ABCA2: variants seen among roughly 807,000 people sequenced by gnomAD.
The protein encoded by ABCA2 is ATP-binding cassette sub-family A member 2.
ABCA2 carries 84 observed loss-of-function variants against 262.8 expected under a neutral mutation model. The ratio of observed to expected loss-of-function variants is 0.32; its 90% CI spans 0.27 to 0.38. The LOEUF (loss-of-function observed/expected upper bound fraction) is 0.38, where lower values mean the gene tolerates loss of function less well. Among genes scored for constraint, ABCA2 ranks in the 10% least tolerant of loss-of-function variants. The pLI, the probability that ABCA2 is intolerant of heterozygous loss-of-function variation, is 1.00. For synonymous variants in ABCA2, 1,696 were observed against 1,502.9 expected, an observed-to-expected ratio of 1.13 and a Z score of -2.97; for missense variants, 2,662 against 3,405.9, an observed-to-expected ratio of 0.78 and a Z score of 5.44.
Position 137,019,993 on chromosome 9 carries a change from C to G in ABCA2, c.1425+343G>C. The G allele has an allele frequency of 3.4e-6, 1 of 297,120 alleles. No homozygotes were observed. The highest frequency in any genetic ancestry group is 8.7e-5 in the East Asian group (1 of 11,490). 18.4% of individuals were successfully genotyped at this position (297,120 alleles called of 1,614,324 possible). A position where few individuals can be genotyped will look rare whatever the true frequency, so the allele number is the denominator to read the frequency against. ...GCCTCTGCTTGTTCCAGACAGGACCCCTCACCCAGAACCCAAACTGCCCAG... is the reference window on the plus strand; with the variant it reads ...GCCTCTGCTTGTTCCAGACAGGACCGCTCACCCAGAACCCAAACTGCCCAG... On this transcript the variant is annotated intron_variant, in intron 10 of 48. Transcript: ENST00000341511. The surrounding 1 kb of genome is among the most constrained non-coding windows in gnomAD (Gnocchi z 4.4).
chr9:137,025,578 C>T (rs571132717), intron 1 of ABCA2, among the ~76,000 whole-genome samples: 1 of 152,374 alleles, frequency 6.6e-6, no homozygotes, highest in African/African-American at 2.4e-5. Context: ...GTCCCATGCC[C>T]GCCCCAGCCC....
chr9:137,018,085 G>A lies in ABCA2; in HGVS notation c.1994-10C>T, dbSNP rs1831324228. ...GCGCGCTCCATCATGTCTGTGGGTG[G>A]GGGCAGCCATCAGGTGCCGGGCAGG... is the stretch of plus-strand genomic sequence containing the variant. On this transcript the variant is annotated splice_polypyrimidine_tract_variant and intron_variant, in intron 14 of 48. Transcript: ENST00000341511. 6.2e-7 allele frequency: 1 copy of A among 1,611,890 alleles called. No homozygotes were observed. The highest frequency in any genetic ancestry group is 8.5e-7 in the Non-Finnish European group (1 of 1,179,650).
In ABCA2 at chr9:137,018,644, AG is replaced by A. The variant is rs1481190710; in HGVS notation, c.1819+74del. On this transcript the variant is annotated intron_variant, in intron 13 of 48. Transcript: ENST00000341511. ...GCGCGGCCAAGGAGTGGGAGGGCAC[AG>A]GGGGACGGGTGGGGCTGGGCTGGGG... The A allele has an allele frequency of 9.7e-6, 9 of 930,732 alleles. No homozygotes were observed. In the South Asian group the frequency reaches 1.1e-4, roughly 12 times the overall value. 57.7% of individuals were successfully genotyped at this position (930,732 alleles called of 1,614,324 possible).
At chr9:137,023,658 C>T in intron 3 of ABCA2, 180 bp downstream of exon 3, 1 of 684,604 alleles carries the variant, frequency 1.5e-6, no homozygotes, top group East Asian at 2.7e-5. Context: ...GCCTTTCACT[C>T]CCTACCACCT....
At chr9:137,023,610 G>C in intron 3 of ABCA2, 3 of 720,340 alleles carry the variant, frequency 4.2e-6, no homozygotes, top group Non-Finnish European at 7.6e-6. Flanking sequence ...TGCCGCCTCA[G>C]CTTGACCCAG....
At chr9:137,023,780 C>T (rs1473997958) in intron 3 of ABCA2, 58 bp downstream of exon 3, 1 of 730,940 alleles carries the variant, frequency 1.4e-6, no homozygotes, top group Non-Finnish European at 2.5e-6. Flanking sequence ...CAGGACGGCC[C>T]ATGGGCCCCC....
In ABCA2 at chr9:137,021,551, C is replaced by A. The variant is rs1257332975; in HGVS notation, c.738G>T (p.Glu246Asp). The A allele has an allele frequency of 5.0e-6, 8 of 1,587,714 alleles. No homozygotes were observed. The highest frequency in any genetic ancestry group is 8.6e-7 in the Non-Finnish European group (1 of 1,168,066). ...EQLTCTPGSG[E>D]LGRILTVPES... ...CAGGCACAGTGAGGATCCGGCCCAG[C>A]TCCCCCGAGCCCGGCGTGCAGGTGA... The change falls in exon 8 of 49, where the codon GAG becomes GAT. Residue 246 changes from glutamate to aspartate, a missense_variant. Transcript: ENST00000341511. This position sits in a 1 kb window ranked among gnomAD's most constrained non-coding sequence, Gnocchi z 6.0.
In ABCA2 at chr9:137,020,788, C is replaced by T. The variant is rs1426772949; in HGVS notation, c.1171G>A (p.Ala391Thr). 1.3e-6 allele frequency: 2 copies of T among 1,590,442 alleles called. No individual in the cohort carries two copies. Among genetic ancestry groups the T allele is most frequent in the Non-Finnish European group, 8.5e-7 (1 of 1,170,234 alleles). ...AGCGTGTCCGGGGTGGCCAGTGCTG[C>T]AGCAGAGGGTGCGCCCTCCTCAGCG... is the stretch of plus-strand genomic sequence containing the variant. Reference protein sequence around the residue: ...ATAEEGAPSAAALATPDTLQG... With the variant: ...ATAEEGAPSATALATPDTLQG... Residue 391 changes from alanine to threonine, a missense_variant, in exon 9 of 49, where the codon GCA (alanine) becomes ACA (threonine). Physicochemically the swap from Ala to Thr is moderately conservative, Grantham distance 58 (BLOSUM62 0). Transcript: ENST00000341511.
Position 137,013,507 on chromosome 9 carries a change from G to C in ABCA2, c.4504C>G (p.Arg1502Gly). Residue 1502 changes from arginine to glycine, a missense_variant, in exon 29 of 49, where the codon CGT becomes GGT. Around this residue, in one of 12 missense-constraint regions of ABCA2, gnomAD observed 75 missense variants for 118.3 expected, o/e 0.63. Transcript: ENST00000341511. ...PSQYHNYTQPRGNFIPYANEE... is the reference protein window; with the variant it reads ...PSQYHNYTQPGGNFIPYANEE... ...TTGGCGTAGGGGATGAAATTGCCACGGGGCTGGGTGTAGTTGTGGTACTGG... is the reference window on the plus strand; with the variant it reads ...TTGGCGTAGGGGATGAAATTGCCACCGGGCTGGGTGTAGTTGTGGTACTGG... The C allele has an allele frequency of 6.2e-7, 1 of 1,610,282 alleles. No homozygotes were observed. The highest frequency in any genetic ancestry group is 8.5e-7 in the Non-Finnish European group (1 of 1,179,428).
intron 48 of ABCA2, 133 bp downstream of exon 48, chr9:137,008,283 T>G: frequency 9.4e-7 from 1 of 1,065,718 alleles, no homozygotes; most frequent in Non-Finnish European, 1.4e-6. Flanking sequence ...CCTCGCCCAC[T>G]CTGCCCCCTT....
chr9:137,012,945 C>A lies in ABCA2; in HGVS notation c.4868-20G>T, dbSNP rs200148016. 8 of 1,490,202 alleles carry A rather than the reference C, an allele frequency of 5.4e-6. No individual in the cohort carries two copies. The East Asian group carries it at 2.0e-4, about 37-fold the overall frequency. 92.3% of individuals were successfully genotyped at this position (1,490,202 alleles called of 1,614,324 possible). A position where few individuals can be genotyped will look rare whatever the true frequency, so the allele number is the denominator to read the frequency against. ...ACATTTCTGTGGGCACAGCATGGTG[C>A]GGTGAGAAGGACCCCTCACTGCCCC... On this transcript the variant is annotated intron_variant, in intron 30 of 48. Transcript: ENST00000341511.
intron 1 of ABCA2, among the ~76,000 whole-genome samples, chr9:137,027,087 CCTGGCT>C (rs1336114714): frequency 1.3e-5 from 2 of 152,328 alleles, no homozygotes; most frequent in South Asian, 2.1e-4. Context: ...CCGCCCGGGC[CCTGGCT>C]GGGCAAGAGG....
chr9:137,010,490 C>T, intron 40 of ABCA2, 119 bp from the exon 41 acceptor site: 1 of 1,457,166 alleles, frequency 6.9e-7, no homozygotes, highest in Non-Finnish European at 9.3e-7. Context: ...CCCACAGCCC[C>T]ACCCCATGCA....
chr9:137,023,720 G>C (rs372307547), intron 3 of ABCA2, 118 bp downstream of exon 3: 1 of 705,772 alleles, frequency 1.4e-6, no homozygotes, highest in African/African-American at 1.8e-5. Context: ...TCCTGAGGCC[G>C]GCAGGGGGCC....
At chr9:137,023,722 C>CAGGGGGCCCGGG in intron 3 of ABCA2, 116 bp downstream of exon 3, 1 of 706,304 alleles carries the variant, frequency 1.4e-6, no homozygotes. Context: ...CTGAGGCCGG[C>CAGGGGGCCCGGG]AGGGGGCCCG....
rs552531027 is a variant in ABCA2 at position 137,021,641 on chromosome 9, C to T, written c.679-31G>A. 51 of 1,537,026 alleles carry T rather than the reference C, an allele frequency of 3.3e-5. No individual in the cohort carries two copies. The African/African-American group carries it at 5.5e-4, about 17-fold the overall frequency. On this transcript the variant is annotated intron_variant, in intron 7 of 48. Coordinates refer to ENST00000341511, the MANE Select transcript of ABCA2 (RefSeq NM_001606.5). This position sits in a 1 kb window ranked among gnomAD's most constrained non-coding sequence, Gnocchi z 6.0. ...ATGGGCACAGGGGTCCGTGGAGCCA[C>T]GGCAAGGACTTTGTCCCCAACCACT... is the stretch of plus-strand genomic sequence containing the variant.
Position 137,014,813 on chromosome 9 carries a change from G to A in ABCA2, c.3883-3C>T, listed in dbSNP as rs542477663. The A allele has an allele frequency of 3.5e-5, 56 of 1,598,496 alleles. No individual in the cohort carries two copies. The South Asian group carries it at 3.7e-4, about 11-fold the overall frequency. ...GCATCCAGGCTGCGCTCCAGGTGCT[G>A]CAGGGGCGGTGGAGGGGGAGGCTGC... On this transcript the variant is annotated splice_region_variant and splice_polypyrimidine_tract_variant and intron_variant, in intron 25 of 48. Coordinates refer to ENST00000341511, the MANE Select transcript of ABCA2 (RefSeq NM_001606.5).
At chr9:137,022,154 TC>T in intron 6 of ABCA2, among the ~76,000 whole-genome samples, 153 bp from the exon 7 acceptor site, 1 of 59,800 alleles carries the variant, frequency 1.7e-5, no homozygotes, top group South Asian at 8.6e-4. Flanking sequence ...GGGGCGTGGC[TC>T]CGATGTAGGT....
chr9:137,014,518 C>T (rs1448475175), intron 26 of ABCA2, 114 bp from the exon 27 acceptor site: 9 of 1,439,874 alleles, frequency 6.3e-6, no homozygotes, highest in Non-Finnish European at 7.5e-6. Context: ...CTGTCCGGGA[C>T]CTCTGGCCAC....
Sources: gnomAD v4.1 joint callset for allele counts (sites outside exome capture counted in the v4.1 genomes callset) on GRCh38, gnomAD v4.1.1 for gene constraint, gnomAD v4.1.1 regional missense constraint, Gnocchi (gnomAD v3.1) non-coding constraint, MANE v1.5 for transcripts, NCBI Gene and HGNC (gene_info 2026-07-23, HGNC 2026-07-21) for gene names.